The following TOP2B variants were observed in gnomAD, a reference collection of about 807,000 sequenced individuals.
The protein encoded by TOP2B is DNA topoisomerase 2-beta.
A neutral mutation model predicts 193.5 loss-of-function variants in TOP2B; 51 were observed. That is an observed-to-expected ratio of 0.26 (90% CI 0.21 to 0.33). The LOEUF is 0.33. TOP2B is among the 10% of genes least tolerant of loss of function. TOP2B has a pLI of 1.00. For synonymous variants in TOP2B, 634 were observed against 635.7 expected, an observed-to-expected ratio of 1.00 and a Z score of 0.04; for missense variants, 1,378 against 1,909.3, an observed-to-expected ratio of 0.72 and a Z score of 5.19.
chr3:25,609,633 T>G lies in TOP2B; in HGVS notation c.3866A>C (p.Glu1289Ala). Residue 1289 changes from glutamate to alanine, a missense_variant, in exon 29 of 36, where the codon GAG (glutamate) becomes GCG (alanine). By Grantham distance (107) the Glu-to-Ala change is moderately radical. Transcript: ENST00000264331. ...TATAGGAACTGATGGAGTCAATGCC[T>G]CTTCTCCTGCACCTTCTACTGGTGC... ...SGAPVEGAGEEALTPSVPINK... is the reference protein window; with the variant it reads ...SGAPVEGAGEAALTPSVPINK... 1.9e-6 allele frequency: 3 copies of G among 1,582,122 alleles called. No homozygotes were observed. Among genetic ancestry groups the G allele is most frequent in the Non-Finnish European group, 2.6e-6 (3 of 1,165,350 alleles).
At chr3:25,625,069 G>T (rs1439159638) in intron 18 of TOP2B, 2 of 262,594 alleles carry the variant, frequency 7.6e-6, no homozygotes, top group East Asian at 1.7e-4. Flanking sequence ...CAACATTCTG[G>T]CCTTAAAGAA....
At chr3:25,645,259 A>C (rs749492666) in intron 2 of TOP2B, 41 bp downstream of exon 2, 2 of 1,456,532 alleles carry the variant, frequency 1.4e-6, no homozygotes, top group Middle Eastern at 1.9e-4. Context: ...GTAAATATAG[A>C]TGCACATCTC....
intron 33 of TOP2B, among the ~76,000 whole-genome samples, chr3:25,601,522 G>A (rs1702094965): frequency 6.6e-6 from 1 of 152,160 alleles, no homozygotes; most frequent in Non-Finnish European, 1.5e-5. Context: ...GGGAGGCTGA[G>A]GCAGGACAAT....
chr3:25,648,406 T>G (rs1703474666), intron 1 of TOP2B, among the ~76,000 whole-genome samples: 1 of 152,172 alleles, frequency 6.6e-6, no homozygotes, highest in Admixed American at 6.5e-5. Context: ...TTGTGAGGTC[T>G]CAGGATTCTC....
chr3:25,602,692 G>A (rs957652203), intron 33 of TOP2B, among the ~76,000 whole-genome samples: 2 of 152,116 alleles, frequency 1.3e-5, no homozygotes, highest in African/African-American at 4.8e-5. Context: ...GCTCCTAGCA[G>A]GGAGTATAAA....
At chr3:25,663,991 C>T (rs1704001018) in intron 1 of TOP2B, among the ~76,000 whole-genome samples, 2 of 152,092 alleles carry the variant, frequency 1.3e-5, no homozygotes, top group Admixed American at 1.3e-4. Context: ...TTTGTCCCCC[C>T]AAAGTTTCAA....
Position 25,664,700 on chromosome 3 carries a change from G to T in TOP2B, c.-403C>A. On this transcript the variant is annotated 5_prime_UTR_variant, in exon 1 of 36. Transcript: ENST00000264331. ...GCTCGGACGTGGCGAGGACGCAGAG[G>T]TGCCTTGTCCTTCTCACACTCCGCG... The T allele has an allele frequency of 3.0e-6, 3 of 985,194 alleles. No individual in the cohort carries two copies. Among genetic ancestry groups the T allele is most frequent in the Non-Finnish European group, 3.6e-6 (3 of 829,838 alleles). The allele number at this position is 985,194 out of a possible 1,614,324, so 61.0% of individuals were successfully genotyped here.
At chr3:25,610,704 A>G (rs1414104343) in intron 28 of TOP2B, among the ~76,000 whole-genome samples, 2 of 152,228 alleles carry the variant, frequency 1.3e-5, no homozygotes, top group Non-Finnish European at 2.9e-5. Flanking sequence ...AAGATTTTTA[A>G]GCCTAACAAT....
chr3:25,661,751 G>C (rs529673715), intron 1 of TOP2B, among the ~76,000 whole-genome samples: 2 of 152,198 alleles, frequency 1.3e-5, no homozygotes, highest in African/African-American at 4.8e-5. Context: ...AAACCACTTG[G>C]CTTTGTAGTT....
rs990208842 is a variant in TOP2B, at chr3:25,624,463, G to A, written c.2347-18C>T. 3.7e-6 allele frequency: 6 copies of A among 1,604,942 alleles called. No individual in the cohort carries two copies. Among genetic ancestry groups the A allele is most frequent in the Non-Finnish European group, 5.1e-6 (6 of 1,176,688 alleles). ...AATGCTTGCTATACAACAGAAGAAG[G>A]CAGAACATAACATTAATATTCTAAA... On this transcript the variant is annotated intron_variant, in intron 19 of 35. Transcript: ENST00000264331.
intron 11 of TOP2B, 139 bp downstream of exon 11, chr3:25,630,662 T>C (rs1430858453): frequency 3.4e-6 from 3 of 894,380 alleles, no homozygotes; most frequent in East Asian, 2.8e-5. Flanking sequence ...ATATGTTGTG[T>C]ATGTGATAAT....
At chr3:25,664,092 C>T in intron 1 of TOP2B, 137 bp downstream of exon 1, 1 of 1,289,198 alleles carries the variant, frequency 7.8e-7, no homozygotes, top group Non-Finnish European at 1.1e-6. Flanking sequence ...GAGGATTCTG[C>T]AAGCACAGGC....
chr3:25,637,862 G>A lies in TOP2B; in HGVS notation c.541+303C>T, dbSNP rs187271399. Among the ~76,000 whole-genome samples, 15 of 152,042 alleles carry A rather than the reference G, an allele frequency of 9.9e-5. No homozygotes were observed. The East Asian group carries it at 1.7e-3, about 18-fold the overall frequency. On this transcript the variant is annotated intron_variant, in intron 5 of 35. Transcript: ENST00000264331. ...AAGTAACTTAATACCAAAAGACACA[G>A]TGCTATGTAATAACAAATTTATATA...
chr3:25,601,115 T>C lies in TOP2B; in HGVS notation c.4600A>G (p.Thr1534Ala). ...TAATCCTCACCTTTTGGTGTTGTAG[T>C]CTTCTTTGGAATGCCAAATTCTGAA... ...SDSEFGIPKK[T>A]TTPKGKGRGA... The change falls in exon 34 of 36, where the codon ACT becomes GCT. Residue 1534 changes from threonine to alanine, a missense_variant. Thr to Ala is a moderately conservative substitution (Grantham distance 58, BLOSUM62 0). Coordinates refer to ENST00000264331, the MANE Select transcript of TOP2B (RefSeq NM_001330700.2). The C allele has an allele frequency of 6.2e-7, 1 of 1,613,712 alleles. No individual in the cohort carries two copies. The highest frequency in any genetic ancestry group is 1.7e-5 in the Admixed American group (1 of 59,996).
At position 25,604,867 on chromosome 3, in the gene TOP2B, G is replaced by A. The variant is rs370666167; in HGVS notation, c.4382C>T (p.Ser1461Leu). The change falls in exon 33 of 36, where the codon TCA becomes TTA. Residue 1461 changes from serine (S) to leucine (L), a missense_variant. By Grantham distance (145) the Ser-to-Leu change is moderately radical. Coordinates refer to ENST00000264331, the MANE Select transcript of TOP2B (RefSeq NM_001330700.2). ...TTCTTCATTACTGTCAAATTTAGCT[G>A]AATCTAAAAATTGCAAAGCCTTCTT... ...PSYSQKSEDDSAKFDSNEEDS... is the reference protein window; with the variant it reads ...PSYSQKSEDDLAKFDSNEEDS... 7 of 1,610,312 alleles carry A rather than the reference G, an allele frequency of 4.3e-6. No homozygotes were observed. The highest frequency in any genetic ancestry group is 5.9e-6 in the Non-Finnish European group (7 of 1,177,962).
chr3:25,633,530 C>T (rs1703019275), intron 8 of TOP2B, among the ~76,000 whole-genome samples: 1 of 152,098 alleles, frequency 6.6e-6, no homozygotes, highest in Non-Finnish European at 1.5e-5. Context: ...GCCCCCTCTC[C>T]TCTCCCCAGA....
intron 28 of TOP2B, among the ~76,000 whole-genome samples, chr3:25,610,946 T>C (rs936367389): frequency 2.6e-5 from 4 of 152,194 alleles, no homozygotes; most frequent in Admixed American, 6.5e-5. Flanking sequence ...TAGTTACTGA[T>C]TAAATGACAA....
intron 2 of TOP2B, 31 bp from the exon 3 acceptor site, chr3:25,643,815 T>C: frequency 1.3e-6 from 2 of 1,520,494 alleles, no homozygotes; most frequent in Non-Finnish European, 1.8e-6. Flanking sequence ...AAAATTTTAC[T>C]CAATAAATCC....
intron 1 of TOP2B, among the ~76,000 whole-genome samples, chr3:25,662,450 T>C (rs1374770617): frequency 6.6e-6 from 1 of 152,224 alleles, no homozygotes; most frequent in African/African-American, 2.4e-5. Context: ...AACTTCTAAT[T>C]CCATAAGATA....
Sources: allele counts gnomAD v4.1 joint callset (sites outside exome capture counted in the v4.1 genomes callset), GRCh38; gene constraint gnomAD v4.1.1; transcripts MANE v1.5; gene names NCBI Gene and HGNC (gene_info 2026-07-23, HGNC 2026-07-21).